The following FGF14 variants were observed in gnomAD, a reference collection of about 807,000 sequenced individuals.
The protein encoded by FGF14 is fibroblast growth factor 14.
Under a neutral mutation model 25.5 loss-of-function variants are expected in FGF14, and 5 were observed. The observed-to-expected ratio is 0.20, with a 90% CI of 0.10 to 0.41. The LOEUF (loss-of-function observed/expected upper bound fraction) is 0.41, where lower values mean the gene tolerates loss of function less well. FGF14 is among the 10% of genes least tolerant of loss of function. FGF14 has a pLI of 1.00. For missense variants in FGF14, 222 were observed against 320.1 expected (o/e 0.69, Z 2.34); for synonymous variants, 138 against 118.3 (o/e 1.17, Z -1.08).
intron 1 of FGF14, among the ~76,000 whole-genome samples, chr13:101,974,121 G>A (rs973814185): frequency 2.6e-5 from 4 of 152,212 alleles, no homozygotes; most frequent in African/African-American, 9.6e-5. Flanking sequence ...ACTCAGTCAA[G>A]AGAGAATAAG....
At chr13:101,737,018 C>A in intron 3 of FGF14, among the ~76,000 whole-genome samples, 1 of 147,020 alleles carries the variant, frequency 6.8e-6, no homozygotes, top group Admixed American at 7.1e-5. Flanking sequence ...AGCAACTATT[C>A]TATTTTTTAA....
At chr13:102,355,583 A>G (rs965087428) in intron 1 of FGF14, among the ~76,000 whole-genome samples, 1 of 150,122 alleles carries the variant, frequency 6.7e-6, no homozygotes, top group Non-Finnish European at 1.5e-5. Context: ...GGTGTGTGAA[A>G]TTGTTACCCC....
At chr13:101,859,000 C>T (rs2044271014) in intron 3 of FGF14, among the ~76,000 whole-genome samples, 1 of 152,052 alleles carries the variant, frequency 6.6e-6, no homozygotes, top group Non-Finnish European at 1.5e-5. Context: ...GAACATCTGC[C>T]TCTGTGTCTG....
At position 101,747,939 on chromosome 13, in the gene FGF14, T is replaced by G. The variant is rs556918612; in HGVS notation, c.409-21129A>C. On this transcript the variant is annotated intron_variant, in intron 3 of 4. Transcript: ENST00000376143. ...AGATATCATCTTGCACCAGAAAGAA[T>G]AATTATCATTATAAAGTCAAAAAAT... is the stretch of plus-strand genomic sequence containing the variant. Among the ~76,000 whole-genome samples, 306 of 152,136 alleles carry G rather than the reference T, an allele frequency of 2.0e-3. 4 individuals are homozygous for G. The highest frequency in any genetic ancestry group is 7.1e-3 in the African/African-American group (295 of 41,522).
At chr13:101,955,619 T>A (rs562032801) in intron 1 of FGF14, among the ~76,000 whole-genome samples, 1 of 152,352 alleles carries the variant, frequency 6.6e-6, no homozygotes, top group South Asian at 2.1e-4. Flanking sequence ...CACCTTCACA[T>A]GCAAGTCTCC....
intron 3 of FGF14, among the ~76,000 whole-genome samples, chr13:101,794,879 T>C (rs8002608): frequency 0.04 from 6,126 of 152,256 alleles, 200 homozygotes; most frequent in African/African-American, 0.074. Flanking sequence ...TCTATAAAGA[T>C]GTATTGACTT....
chr13:102,091,105 G>A (rs77016770), intron 1 of FGF14, among the ~76,000 whole-genome samples: 501 of 152,274 alleles, frequency 3.3e-3, no homozygotes, highest in Non-Finnish European at 5.5e-3. Flanking sequence ...TACAAATAGA[G>A]TACTAATAGT....
chr13:101,918,810 C>A (rs114537461), upstream of FGF14, among the ~76,000 whole-genome samples: 1,728 of 152,268 alleles, frequency 0.011, 33 homozygotes, highest in African/African-American at 0.038. Context: ...ATTGGCTTTA[C>A]GACGGTGTTT....
intron 1 of FGF14, among the ~76,000 whole-genome samples, chr13:102,069,703 A>G (rs1478232236): frequency 6.6e-6 from 1 of 152,034 alleles, no homozygotes; most frequent in Non-Finnish European, 1.5e-5. Context: ...GAAGGAAGAA[A>G]CTCCGAACAC....
chr13:101,741,718 T>C (rs1171798179), intron 3 of FGF14, among the ~76,000 whole-genome samples: 1 of 152,200 alleles, frequency 6.6e-6, no homozygotes, highest in Non-Finnish European at 1.5e-5. Flanking sequence ...TTGGCACATT[T>C]AGCTTTCCAA....
At chr13:102,237,087 C>A (rs547549421) in intron 1 of FGF14, among the ~76,000 whole-genome samples, 1 of 152,182 alleles carries the variant, frequency 6.6e-6, no homozygotes, top group African/African-American at 2.4e-5. Context: ...CCAGGAACAC[C>A]GCAGGCTGAA....
intron 1 of FGF14, among the ~76,000 whole-genome samples, chr13:102,114,314 T>C (rs1055293508): frequency 6.6e-6 from 1 of 152,202 alleles, no homozygotes; most frequent in Non-Finnish European, 1.5e-5. Flanking sequence ...AGATCAACCC[T>C]TTATCAGATA....
At chr13:101,734,976 G>A (rs185876546) in intron 3 of FGF14, among the ~76,000 whole-genome samples, 1 of 152,298 alleles carries the variant, frequency 6.6e-6, no homozygotes, top group East Asian at 1.9e-4. Context: ...CCTTTGCCAT[G>A]TAATTTGCAG....
chr13:102,390,712 T>C (rs950324246), intron 1 of FGF14, among the ~76,000 whole-genome samples: 3 of 152,190 alleles, frequency 2.0e-5, no homozygotes, highest in African/African-American at 7.2e-5. Context: ...GCCTAGTATA[T>C]AGAAGCATTC....
At chr13:102,171,972 GTATTTATTTATTTATT>G (rs58098373) in intron 1 of FGF14, among the ~76,000 whole-genome samples, 31 of 146,222 alleles carry the variant, frequency 2.1e-4, no homozygotes, top group Admixed American at 1.2e-3. Context: ...CACTTACCAT[GTATTTATTTATTTATT>G]TATTTATTTA....
intron 1 of FGF14, among the ~76,000 whole-genome samples, chr13:102,260,928 G>A (rs1235560904): frequency 6.6e-6 from 1 of 152,130 alleles, no homozygotes; most frequent in Non-Finnish European, 1.5e-5. Context: ...CTCCAGAGAG[G>A]TACTCCCATT....
chr13:102,302,157 T>C (rs2055101340), intron 1 of FGF14, among the ~76,000 whole-genome samples: 4 of 152,128 alleles, frequency 2.6e-5, no homozygotes, highest in Admixed American at 1.3e-4. Flanking sequence ...ATTCAAAAGG[T>C]TTTTAAAATA....
intron 1 of FGF14, among the ~76,000 whole-genome samples, chr13:101,883,219 A>G (rs1204365032): frequency 1.3e-5 from 2 of 152,182 alleles, no homozygotes; most frequent in East Asian, 3.8e-4. Flanking sequence ...TTATTTTATC[A>G]CCAGGAAGTG....
In FGF14 at chr13:101,713,431, G is replaced by A. The variant is rs1458979186; in HGVS notation, c.*9400C>T. 1.3e-5 allele frequency: 2 copies of A among 152,022 alleles called. No homozygotes were observed. Among genetic ancestry groups the A allele is most frequent in the African/African-American group, 2.4e-5 (1 of 41,380 alleles). The allele number at this position is 152,022 out of a possible 1,614,324, so 9.4% of individuals were successfully genotyped here. A position where few individuals can be genotyped will look rare whatever the true frequency, so the allele number is the denominator to read the frequency against. On this transcript the variant is annotated 3_prime_UTR_variant, in exon 5 of 5. Transcript: ENST00000376143. ...CTTTTCAACTGCACATTTTTTCAAC[G>A]TGATTTTGACTCAAAAAGAATACAG...
Sources: allele counts gnomAD v4.1 joint callset (sites outside exome capture counted in the v4.1 genomes callset), GRCh38; gene constraint gnomAD v4.1.1; transcripts MANE v1.5; gene names NCBI Gene and HGNC (gene_info 2026-07-23, HGNC 2026-07-21).